Variants in PPP1R21 observed in about 807,000 individuals in gnomAD.
PPP1R21 encodes the protein protein phosphatase 1 regulatory subunit 21.
In PPP1R21, 85 loss-of-function variants were observed where a neutral mutation model predicts 112.8. The ratio of observed to expected loss-of-function variants is 0.75; its 90% CI spans 0.63 to 0.90. The LOEUF (loss-of-function observed/expected upper bound fraction) is 0.90. Ranked by LOEUF, PPP1R21 falls within the 40% of genes least tolerant of loss-of-function variation. The probability of loss-of-function intolerance (pLI) is 0.00; values close to 1 mark genes in which losing one functional copy is unlikely to be tolerated. For missense variants in PPP1R21, 1,199 were observed against 901.5 expected (o/e 1.33, Z -4.23); for synonymous variants, 381 against 322.3 (o/e 1.18, Z -1.95).
intron 19 of PPP1R21, among the ~76,000 whole-genome samples, chr2:48,509,663 C>T (rs1235092049): frequency 2.0e-5 from 3 of 151,896 alleles, no homozygotes; most frequent in Admixed American, 6.6e-5. Context: ...CAAGATCATG[C>T]CACTGCACCC....
At position 48,451,059 on chromosome 2, in the gene PPP1R21, A is replaced by T; in HGVS notation, c.109A>T (p.Asn37Tyr). 6.2e-7 allele frequency: 1 copy of T among 1,613,640 alleles called. No individual in the cohort carries two copies. The highest frequency in any genetic ancestry group is 8.5e-7 in the Non-Finnish European group (1 of 1,179,596). ...AAAAGGTGTTGTGGATGAACAAGCAAATTCTGCAGCTTTAAAGGTGGGCAA... is the reference window on the plus strand; with the variant it reads ...AAAAGGTGTTGTGGATGAACAAGCATATTCTGCAGCTTTAAAGGTGGGCAA... Reference protein sequence around the residue: ...LKKGVVDEQANSAALKEQLKM... With the variant: ...LKKGVVDEQAYSAALKEQLKM... The change falls in exon 2 of 22, where the codon AAT (asparagine) becomes TAT (tyrosine). Residue 37 changes from asparagine (N) to tyrosine (Y), a missense_variant. Transcript: ENST00000294952.
intron 7 of PPP1R21, among the ~76,000 whole-genome samples, chr2:48,462,815 G>A (rs1460018162): frequency 6.6e-6 from 1 of 152,148 alleles, no homozygotes. Flanking sequence ...AGATTACCTA[G>A]GAGTGGGACA....
At chr2:48,478,722 C>T (rs892440519) in intron 12 of PPP1R21, among the ~76,000 whole-genome samples, 1 of 152,168 alleles carries the variant, frequency 6.6e-6, no homozygotes, top group Non-Finnish European at 1.5e-5. Flanking sequence ...ATTTCTGTTT[C>T]CTGTTCTCTC....
chr2:48,440,845 C>G lies in PPP1R21; in HGVS notation c.-109C>G, dbSNP rs950773395. ...CGGCGGCGGCGGCGGCTGCGGTGGC[C>G]AAGCAGGCAGATACTGCCTGACCCG... On this transcript the variant is annotated 5_prime_UTR_variant, in exon 1 of 22. Transcript: ENST00000294952. 5 of 747,526 alleles carry G rather than the reference C, an allele frequency of 6.7e-6. No individual in the cohort carries two copies. Among genetic ancestry groups the G allele is most frequent in the East Asian group, 3.3e-5 (1 of 30,706 alleles). 46.3% of individuals were successfully genotyped at this position (747,526 alleles called of 1,614,324 possible). A position where few individuals can be genotyped will look rare whatever the true frequency, so the allele number is the denominator to read the frequency against.
At chr2:48,491,338 C>G (rs1669554629) in intron 15 of PPP1R21, among the ~76,000 whole-genome samples, 168 bp downstream of exon 15, 1 of 151,956 alleles carries the variant, frequency 6.6e-6, no homozygotes, top group African/African-American at 2.4e-5. Flanking sequence ...GGTGACAGGA[C>G]CCAGACTTTA....
chr2:48,469,993 G>A (rs909102746), intron 9 of PPP1R21, among the ~76,000 whole-genome samples: 1 of 152,152 alleles, frequency 6.6e-6, no homozygotes, highest in Non-Finnish European at 1.5e-5. Flanking sequence ...TGTGTAGTTT[G>A]TAGTGGATGG....
intron 4 of PPP1R21, among the ~76,000 whole-genome samples, chr2:48,459,394 T>C (rs1667880282): frequency 6.6e-6 from 1 of 152,236 alleles, no homozygotes; most frequent in African/African-American, 2.4e-5. Flanking sequence ...CTCTGATCAA[T>C]TGAATTCTAT....
intron 13 of PPP1R21, among the ~76,000 whole-genome samples, chr2:48,485,494 G>T (rs957987774): frequency 6.6e-6 from 1 of 152,080 alleles, no homozygotes; most frequent in Non-Finnish European, 1.5e-5. Flanking sequence ...GGAAAAATTG[G>T]CTAAAGGGTG....
intron 6 of PPP1R21, 135 bp from the exon 7 acceptor site, chr2:48,461,003 C>G (rs1667952148): frequency 7.2e-7 from 1 of 1,384,400 alleles, no homozygotes; most frequent in African/African-American, 1.5e-5. Context: ...CTTTTAACAA[C>G]TCTCTGCCAA....
intron 3 of PPP1R21, 61 bp downstream of exon 3, chr2:48,454,802 C>A: frequency 7.5e-7 from 1 of 1,331,722 alleles, no homozygotes; most frequent in Non-Finnish European, 1.1e-6. Flanking sequence ...ACCTACAGGG[C>A]ATCCTGGTTT....
rs1016696663 is a variant in PPP1R21 at position 48,512,478 on chromosome 2, C to G, written c.2313+1010C>G. On this transcript the variant is annotated intron_variant, in intron 21 of 21. Transcript: ENST00000294952. Reference sequence around the variant, plus strand: ...GATCTGCTGCTGCCCCTTTGTGATTCAGCAGGCATTTATTGAGTTCCTGCT... The same window carrying G: ...GATCTGCTGCTGCCCCTTTGTGATTGAGCAGGCATTTATTGAGTTCCTGCT... Among the ~76,000 whole-genome samples, 3 of 152,080 alleles carry G rather than the reference C, an allele frequency of 2.0e-5. No homozygotes were observed. The South Asian group carries it at 6.2e-4, about 32-fold the overall frequency.
At chr2:48,500,059 T>A (rs966047600) in intron 17 of PPP1R21, among the ~76,000 whole-genome samples, 8 of 152,186 alleles carry the variant, frequency 5.3e-5, no homozygotes, top group Non-Finnish European at 8.8e-5. Flanking sequence ...CTGATGCTAT[T>A]GAAGAGCAAG....
At position 48,475,763 on chromosome 2, in the gene PPP1R21, C is replaced by T. The variant is rs564606863; in HGVS notation, c.1225+944C>T. Among the ~76,000 whole-genome samples, 27 of 152,018 alleles carry T rather than the reference C, an allele frequency of 1.8e-4. No homozygotes were observed. The East Asian group carries it at 3.7e-3, about 21-fold the overall frequency. On this transcript the variant is annotated intron_variant, in intron 12 of 21. Transcript: ENST00000294952. The stretch of plus-strand genomic sequence containing the variant: ...TCGGGAGGCTGAGGCAGGAGAATCG[C>T]GTGAGCCTGGGAGGCAGAGGATGCA...
intron 12 of PPP1R21, among the ~76,000 whole-genome samples, chr2:48,476,528 G>A (rs1041861813): frequency 6.6e-6 from 1 of 152,198 alleles, no homozygotes. Flanking sequence ...AGCTGCTGGA[G>A]TGTTTTACAA....
At chr2:48,485,708 T>C (rs1208190810) in intron 13 of PPP1R21, among the ~76,000 whole-genome samples, 2 of 151,662 alleles carry the variant, frequency 1.3e-5, no homozygotes, top group Admixed American at 1.3e-4. Context: ...TCTCAAATAC[T>C]ATTTCTTTTC....
intron 1 of PPP1R21, among the ~76,000 whole-genome samples, chr2:48,443,478 C>T (rs925920135): frequency 3.3e-5 from 5 of 152,160 alleles, no homozygotes; most frequent in African/African-American, 1.2e-4. Context: ...TGGAGTAAGT[C>T]CCATCACGAT....
chr2:48,447,415 A>G (rs1036992465), intron 1 of PPP1R21, among the ~76,000 whole-genome samples: 1 of 152,196 alleles, frequency 6.6e-6, no homozygotes, highest in African/African-American at 2.4e-5. Flanking sequence ...AATGGAACAG[A>G]AGAGCTTGGT....
chr2:48,486,880 GTT>G, intron 14 of PPP1R21, 122 bp downstream of exon 14: 1 of 1,082,990 alleles, frequency 9.2e-7, no homozygotes, highest in Non-Finnish European at 1.3e-6. Context: ...GTAAAATAAA[GTT>G]GTCTCTCTTT....
At chr2:48,503,499 G>C (rs1670223618) in intron 17 of PPP1R21, among the ~76,000 whole-genome samples, 1 of 152,064 alleles carries the variant, frequency 6.6e-6, no homozygotes, top group African/African-American at 2.4e-5. Context: ...ATTACCTCAG[G>C]ATGTATTCTC....
Sources: gnomAD v4.1 joint callset for allele counts (sites outside exome capture counted in the v4.1 genomes callset) on GRCh38, gnomAD v4.1.1 for gene constraint, MANE v1.5 for transcripts, NCBI Gene and HGNC (gene_info 2026-07-23, HGNC 2026-07-21) for gene names.